The following UCHL3 variants were observed in gnomAD, a reference collection of about 807,000 sequenced individuals.
UCHL3 encodes the protein ubiquitin carboxyl-terminal hydrolase isozyme L3.
In UCHL3, 22 loss-of-function variants were observed where a neutral mutation model predicts 35.8. That is an observed-to-expected ratio of 0.61 (90% confidence interval 0.44 to 0.88). The LOEUF (loss-of-function observed/expected upper bound fraction) is 0.88, where lower values mean the gene tolerates loss of function less well. Ranked by LOEUF, UCHL3 falls within the 40% of genes least tolerant of loss-of-function variation. The pLI is 0.00. For missense variants in UCHL3, 229 were observed against 276.9 expected, an observed-to-expected ratio of 0.83 and a Z score of 1.23; for synonymous variants, 90 against 92.8, an observed-to-expected ratio of 0.97 and a Z score of 0.17.
At chr13:75,565,415 TTTG>T (rs1233866386) in intron 3 of UCHL3, among the ~76,000 whole-genome samples, 1 of 152,214 alleles carries the variant, frequency 6.6e-6, no homozygotes, top group Non-Finnish European at 1.5e-5. Context: ...CACAGATACA[TTTG>T]TTGTTAGAAG....
intron 6 of UCHL3, among the ~76,000 whole-genome samples, chr13:75,576,573 C>A (rs1254615511): frequency 2.0e-5 from 3 of 152,118 alleles, no homozygotes; most frequent in African/African-American, 7.2e-5. Flanking sequence ...CAAGGATGGT[C>A]TCGATCTCCT....
intron 5 of UCHL3, among the ~76,000 whole-genome samples, chr13:75,568,644 A>T (rs2031762093): frequency 6.6e-6 from 1 of 152,000 alleles, no homozygotes; most frequent in Non-Finnish European, 1.5e-5. Context: ...TTTCACCAAT[A>T]AATTATTGTT....
At chr13:75,602,998 TA>T (rs1290513262) in intron 7 of UCHL3, among the ~76,000 whole-genome samples, 2 of 151,734 alleles carry the variant, frequency 1.3e-5, no homozygotes. Flanking sequence ...GTTATTATTT[TA>T]TTTTTTTAGA....
chr13:75,549,675 G>A, upstream of UCHL3: 1 of 866,974 alleles, frequency 1.2e-6, no homozygotes, highest in South Asian at 1.9e-5. Context: ...AAGAGGGTGA[G>A]AGGCCCGTCA....
intron 6 of UCHL3, among the ~76,000 whole-genome samples, chr13:75,583,877 A>G (rs908186113): frequency 6.6e-6 from 1 of 152,236 alleles, no homozygotes; most frequent in Non-Finnish European, 1.5e-5. Context: ...CCATAAGACT[A>G]TAAAATTCCT....
At chr13:75,587,017 CAA>C (rs3036429) in intron 6 of UCHL3, among the ~76,000 whole-genome samples, 9 of 98,954 alleles carry the variant, frequency 9.1e-5, no homozygotes, top group African/African-American at 1.6e-4. Context: ...CTTAAGGTAG[CAA>C]AAAAAAAAAA....
intron 8 of UCHL3, among the ~76,000 whole-genome samples, chr13:75,605,475 T>C (rs2138599788): frequency 6.6e-6 from 1 of 152,220 alleles, no homozygotes; most frequent in South Asian, 2.1e-4. Context: ...ACCACTGCAC[T>C]CCAGCCTGGG....
At chr13:75,586,913 AAAAC>A (rs1411389899) in intron 6 of UCHL3, among the ~76,000 whole-genome samples, 41 of 151,952 alleles carry the variant, frequency 2.7e-4, no homozygotes, top group African/African-American at 7.7e-4. Context: ...ATAGTAGAAA[AAAAC>A]AAACAAACAG....
At chr13:75,571,478 T>G (rs879780564) in intron 6 of UCHL3, among the ~76,000 whole-genome samples, 68 of 152,240 alleles carry the variant, frequency 4.5e-4, no homozygotes, top group African/African-American at 1.6e-3. Flanking sequence ...TTTCTTCCCT[T>G]TATTGTTTCT....
rs2031991912 is a variant in UCHL3, at chr13:75,575,470, G to A, written c.474+5963G>A. Among the ~76,000 whole-genome samples the A allele has an allele frequency of 2.0e-5, 3 of 152,090 alleles. No individual in the cohort carries two copies. In the South Asian group the frequency reaches 6.2e-4, roughly 32 times the overall value. ...TTCCACTTGCTACAACCACCATTTT[G>A]TACTTTATTCTAGATAGAATAAAAT... is the stretch of plus-strand genomic sequence containing the variant. On this transcript the variant is annotated intron_variant, in intron 6 of 8. Transcript: ENST00000377595.
rs148137453 is a variant in UCHL3 at position 75,573,847 on chromosome 13, C to T, written c.474+4340C>T. ...ATAACACCGTCTTTGTGCTTTCTAA[C>T]AACCCAGTACACTTCCGGGTATACC... On this transcript the variant is annotated intron_variant, in intron 6 of 8. Transcript: ENST00000377595. Among the ~76,000 whole-genome samples the T allele has an allele frequency of 1.1e-4, 17 of 152,320 alleles. No homozygotes were observed. In the East Asian group the frequency reaches 3.3e-3, roughly 29 times the overall value.
chr13:75,593,349 T>C (rs1446913470), intron 6 of UCHL3, among the ~76,000 whole-genome samples: 1 of 152,178 alleles, frequency 6.6e-6, no homozygotes, highest in Non-Finnish European at 1.5e-5. Context: ...GCCAGTAATA[T>C]TTTTTGATTC....
intron 7 of UCHL3, among the ~76,000 whole-genome samples, chr13:75,603,857 G>T (rs2032851985): frequency 6.6e-6 from 1 of 151,974 alleles, no homozygotes; most frequent in South Asian, 2.1e-4. Context: ...GTAATTTAGG[G>T]ATAAGTTTCT....
chr13:75,604,403 T>C (rs2032870866), intron 7 of UCHL3: 1 of 166,572 alleles, frequency 6.0e-6, no homozygotes, highest in South Asian at 1.8e-4. Context: ...TCTGTCTTAC[T>C]TGAGATCTTC....
In UCHL3 at chr13:75,595,566, C is replaced by T. The variant is rs1229634554; in HGVS notation, c.550+576C>T. ...GAGCCGAGATCGTGCCATGGTACTC[C>T]AGCCGGGGCAACAGGAGTGATACTC... On this transcript the variant is annotated intron_variant, in intron 7 of 8. Transcript: ENST00000377595. Among the ~76,000 whole-genome samples the T allele has an allele frequency of 2.4e-5, 3 of 126,906 alleles. No individual in the cohort carries two copies. The South Asian group carries it at 7.3e-4, about 31-fold the overall frequency. 83.3% of individuals were successfully genotyped at this position (126,906 alleles called of 152,430 possible).
chr13:75,568,253 T>C (rs1047905248), intron 5 of UCHL3, among the ~76,000 whole-genome samples: 8 of 152,142 alleles, frequency 5.3e-5, no homozygotes, highest in Admixed American at 2.0e-4. Context: ...CTACAAATTA[T>C]TTGGTTAGAA....
At chr13:75,553,784 A>G (rs1198286002) in intron 2 of UCHL3, among the ~76,000 whole-genome samples, 4 of 152,334 alleles carry the variant, frequency 2.6e-5, no homozygotes, top group Non-Finnish European at 5.9e-5. Context: ...TAGATACCTT[A>G]AAGTTAATAT....
intron 6 of UCHL3, among the ~76,000 whole-genome samples, chr13:75,591,593 C>T (rs1271417964): frequency 6.6e-6 from 1 of 152,054 alleles, no homozygotes; most frequent in Non-Finnish European, 1.5e-5. Context: ...GATCTTGGCT[C>T]CATATTAGTT....
At chr13:75,594,740 G>A (rs377639576) in intron 6 of UCHL3, among the ~76,000 whole-genome samples, 175 bp from the exon 7 acceptor site, 1 of 152,148 alleles carries the variant, frequency 6.6e-6, no homozygotes, top group African/African-American at 2.4e-5. Context: ...TGAGCACATT[G>A]TCACAAACAC....
Sources: allele counts gnomAD v4.1 joint callset (sites outside exome capture counted in the v4.1 genomes callset), GRCh38; gene constraint gnomAD v4.1.1; transcripts MANE v1.5; gene names NCBI Gene and HGNC (gene_info 2026-07-23, HGNC 2026-07-21).